Variants in DELE1 observed in about 807,000 individuals in gnomAD.
DELE1 encodes DAP3 binding cell death enhancer 1, also known as death ligand signal enhancer.
DELE1 carries 54 observed loss-of-function variants against 59.3 expected under a neutral mutation model. That is an observed-to-expected ratio of 0.91 (90% CI 0.73 to 1.14). The LOEUF (loss-of-function observed/expected upper bound fraction) is 1.14, where lower values mean the gene tolerates loss of function less well. Ranked by LOEUF, DELE1 falls within the 50% of genes most tolerant of loss-of-function variation. DELE1 has a pLI of 0.00. For missense variants in DELE1, 636 were observed against 643.9 expected, an observed-to-expected ratio of 0.99 and a Z score of 0.13; for synonymous variants, 264 against 259.1, an observed-to-expected ratio of 1.02 and a Z score of -0.18.
rs369514874 is a variant in DELE1, at chr5:141,924,755, T to TG, written c.146+60_146+61insG. On this transcript the variant is annotated intron_variant, in intron 2 of 11. Transcript: ENST00000432126. The stretch of plus-strand genomic sequence containing the variant: ...CCTAGTCACCCTTTTTTTTTATTTT[T>TG]TTTTTTTTGTTGTTTTTTGAGATGG... 9.7e-6 allele frequency: 11 copies of TG among 1,139,840 alleles called. No individual in the cohort carries two copies. In the African/African-American group the frequency reaches 1.5e-4, roughly 16 times the overall value. The allele number at this position is 1,139,840 out of a possible 1,614,324, so 70.6% of individuals were successfully genotyped here. A position where few individuals can be genotyped will look rare whatever the true frequency, so the allele number is the denominator to read the frequency against.
At chr5:141,924,774 G>A (rs1229841669) in intron 2 of DELE1, 79 bp downstream of exon 2, 1 of 896,982 alleles carries the variant, frequency 1.1e-6, no homozygotes, top group East Asian at 2.6e-5. Flanking sequence ...GTTGTTTTTT[G>A]AGATGGAGTC....
In DELE1 at chr5:141,941,509, T is replaced by C. The variant is rs562928047; in HGVS notation, c.*2750T>C. ...GGCAGAGCTGGGTACTGCTGTGCTTTTGCCATTAAAATTCTGTTATTAATG... is the reference window on the plus strand; with the variant it reads ...GGCAGAGCTGGGTACTGCTGTGCTTCTGCCATTAAAATTCTGTTATTAATG... On this transcript the variant is annotated 3_prime_UTR_variant, in exon 12 of 12. Transcript: ENST00000432126. 150 of 985,436 alleles carry C rather than the reference T, an allele frequency of 1.5e-4. No individual in the cohort carries two copies. The African/African-American group carries it at 2.4e-3, about 16-fold the overall frequency. 61.0% of individuals were successfully genotyped at this position (985,436 alleles called of 1,614,324 possible).
intron 1 of DELE1, among the ~76,000 whole-genome samples, chr5:141,924,272 A>G (rs556076912): frequency 6.6e-6 from 1 of 152,294 alleles, no homozygotes; most frequent in African/African-American, 2.4e-5. Context: ...AGGCATAGCC[A>G]GTGAAGAGAG....
In DELE1 at chr5:141,941,065, C is replaced by T; in HGVS notation, c.*2306C>T. ...TCCCTACAGATTGCTTTTGAGCCTT[C>T]CTGGGGCACCCTCTGCGTGAAATGT... On this transcript the variant is annotated 3_prime_UTR_variant, in exon 12 of 12. Coordinates refer to ENST00000432126, the MANE Select transcript of DELE1 (RefSeq NM_014773.5). The T allele has an allele frequency of 1.0e-6, 1 of 985,448 alleles. No homozygotes were observed. Among genetic ancestry groups the T allele is most frequent in the Non-Finnish European group, 1.2e-6 (1 of 829,940 alleles). The allele number at this position is 985,448 out of a possible 1,614,324, so 61.0% of individuals were successfully genotyped here. A position where few individuals can be genotyped will look rare whatever the true frequency, so the allele number is the denominator to read the frequency against.
rs1214482535 is a variant in DELE1, at chr5:141,937,323, G to C, written c.1275G>C (p.Glu425Asp). 6.2e-7 allele frequency: 1 copy of C among 1,614,068 alleles called. No individual in the cohort carries two copies. Among genetic ancestry groups the C allele is most frequent in the Non-Finnish European group, 8.5e-7 (1 of 1,180,046 alleles). Residue 425 changes from glutamate to aspartate, a missense_variant, in exon 11 of 12, where the codon GAG becomes GAC. Transcript: ENST00000432126. ...CTCTGGGAAATGAGGCCGCCCAGGA[G>C]AGGCTGCGAGCCCTCTTTTCCATGG... is the stretch of plus-strand genomic sequence containing the variant. Reference protein sequence around the residue: ...SAALGNEAAQERLRALFSMGA... With the variant: ...SAALGNEAAQDRLRALFSMGA...
chr5:141,932,022 A>T (rs1692352612), intron 7 of DELE1, among the ~76,000 whole-genome samples: 1 of 152,144 alleles, frequency 6.6e-6, no homozygotes, highest in Admixed American at 6.5e-5. Flanking sequence ...TGCCTCCAGG[A>T]TTTTACAGTC....
chr5:141,940,107 C>A lies in DELE1; in HGVS notation c.*1348C>A. On this transcript the variant is annotated 3_prime_UTR_variant, in exon 12 of 12. Transcript: ENST00000432126. ...GAGGTCCCCATTTGGGAAACATGTG[C>A]CAGAAATGTCTAGGTGTTTAATAAA... is the stretch of plus-strand genomic sequence containing the variant. 8 of 985,358 alleles carry A rather than the reference C, an allele frequency of 8.1e-6. No homozygotes were observed. The highest frequency in any genetic ancestry group is 9.6e-6 in the Non-Finnish European group (8 of 829,894). The allele number at this position is 985,358 out of a possible 1,614,324, so 61.0% of individuals were successfully genotyped here. A position where few individuals can be genotyped will look rare whatever the true frequency, so the allele number is the denominator to read the frequency against.
intron 3 of DELE1, among the ~76,000 whole-genome samples, chr5:141,927,320 C>T (rs1751502356): frequency 1.3e-5 from 2 of 152,146 alleles, no homozygotes; most frequent in Non-Finnish European, 2.9e-5. Context: ...CATGCCTCAA[C>T]CTCCGAGTAG....
chr5:141,938,565 T>C lies in DELE1; in HGVS notation c.1354T>C (p.Ser452Pro), dbSNP rs1166388306. ...GACAGTTACAGGACTGAAGTCTTTC[T>C]CCAGCCCCTCCCTCTGCAGCTTGAA... ...DLTVTGLKSF[S>P]SPSLCSLNTL... The change falls in exon 12 of 12, where the codon TCC becomes CCC. Residue 452 changes from serine (S) to proline (P), a missense_variant. Ser to Pro is a moderately conservative substitution (Grantham distance 74). Transcript: ENST00000432126. 2 of 1,614,150 alleles carry C rather than the reference T, an allele frequency of 1.2e-6. No individual in the cohort carries two copies.
In DELE1 at chr5:141,934,354, G is replaced by T. The variant is rs753502995; in HGVS notation, c.1012G>T (p.Ala338Ser). ...ASSWNPERQR[A>S]VSLLKQAADS... ...TTCGTGGAACCCTGAGCGGCAGAGG[G>T]CAGTGTCCTTGCTGAAGCAGGCTGC... Residue 338 changes from alanine to serine, a missense_variant, in exon 9 of 12, where the codon GCA becomes TCA. Coordinates refer to ENST00000432126, the MANE Select transcript of DELE1 (RefSeq NM_014773.5). 43 of 1,614,104 alleles carry T rather than the reference G, an allele frequency of 2.7e-5. No homozygotes were observed. Among genetic ancestry groups the T allele is most frequent in the Admixed American group, 8.3e-5 (5 of 60,014 alleles).
In DELE1 at chr5:141,937,365, C is replaced by T. The variant is rs1752446092; in HGVS notation, c.1309+8C>T. On this transcript the variant is annotated splice_region_variant and intron_variant, in intron 11 of 11. Transcript: ENST00000432126. ...TTTCCATGGGGGCTGCAGGTACAGA[C>T]CCAAGTCCAAGCCAACAGGTTCATT... The T allele has an allele frequency of 6.2e-7, 1 of 1,613,564 alleles. No homozygotes were observed. The highest frequency in any genetic ancestry group is 8.5e-7 in the Non-Finnish European group (1 of 1,179,902).
intron 8 of DELE1, 34 bp downstream of exon 8, chr5:141,933,435 T>A: frequency 7.2e-7 from 1 of 1,393,610 alleles, no homozygotes; most frequent in Middle Eastern, 2.7e-4. Context: ...CCTTCTGTGC[T>A]GGGCTGCTGA....
chr5:141,933,191 G>C, intron 7 of DELE1, 68 bp from the exon 8 acceptor site: 1 of 1,332,572 alleles, frequency 7.5e-7, no homozygotes, highest in Non-Finnish European at 1.0e-6. Flanking sequence ...GGAGTCTGTA[G>C]GTACCTGGCT....
Position 141,924,632 on chromosome 5 carries a change from C to T in DELE1, c.83C>T (p.Thr28Ile). 1.2e-6 allele frequency: 2 copies of T among 1,614,164 alleles called. No homozygotes were observed. Among genetic ancestry groups the T allele is most frequent in the Admixed American group, 1.7e-5 (1 of 60,022 alleles). The stretch of plus-strand genomic sequence containing the variant: ...CTCTGGAGGGTGACTCCTAAGTCCA[C>T]CAGCCCAGATGGGCCTCAGACTACC... ...PSLWRVTPKS[T>I]SPDGPQTTSS... Residue 28 changes from threonine (T) to isoleucine (I), a missense_variant, in exon 2 of 12, where the codon ACC becomes ATC. Coordinates refer to ENST00000432126, the MANE Select transcript of DELE1 (RefSeq NM_014773.5).
At chr5:141,924,118 G>T (rs1199238482) in intron 1 of DELE1, 146 bp downstream of exon 1, 24 of 1,087,224 alleles carry the variant, frequency 2.2e-5, no homozygotes. Flanking sequence ...GGAAGTCAGG[G>T]GCTGCTGGAA....
intron 10 of DELE1, among the ~76,000 whole-genome samples, chr5:141,935,493 A>G (rs1399758410): frequency 6.6e-6 from 1 of 152,206 alleles, no homozygotes; most frequent in African/African-American, 2.4e-5. Context: ...ATCTCCCTAC[A>G]TAGGGGACTG....
At chr5:141,927,475 G>A (rs546733326) in intron 3 of DELE1, among the ~76,000 whole-genome samples, 2 of 152,350 alleles carry the variant, frequency 1.3e-5, no homozygotes, top group East Asian at 1.9e-4. Flanking sequence ...TTACAGGCAT[G>A]AGCCACTGCA....
In DELE1 at chr5:141,939,100, T is replaced by C. The variant is rs977446037; in HGVS notation, c.*341T>C. The C allele has an allele frequency of 1.9e-6, 2 of 1,050,844 alleles. No individual in the cohort carries two copies. The highest frequency in any genetic ancestry group is 2.3e-6 in the Non-Finnish European group (2 of 870,618). The allele number at this position is 1,050,844 out of a possible 1,614,324, so 65.1% of individuals were successfully genotyped here. A position where few individuals can be genotyped will look rare whatever the true frequency, so the allele number is the denominator to read the frequency against. ...AACTTACCTTCTTCCTTCTTATGCC[T>C]GGGTTTTCTCACACTTAAATCTGTA... On this transcript the variant is annotated 3_prime_UTR_variant, in exon 12 of 12. Transcript: ENST00000432126.
rs556989545 is a variant in DELE1 at position 141,938,873 on chromosome 5, C to G, written c.*114C>G. 78 of 1,490,782 alleles carry G rather than the reference C, an allele frequency of 5.2e-5. No individual in the cohort carries two copies. The African/African-American group carries it at 1.1e-3, about 21-fold the overall frequency. 92.3% of individuals were successfully genotyped at this position (1,490,782 alleles called of 1,614,324 possible). On this transcript the variant is annotated 3_prime_UTR_variant, in exon 12 of 12. Coordinates refer to ENST00000432126, the MANE Select transcript of DELE1 (RefSeq NM_014773.5). ...CCAGGTAGAAATTCCAGCGGGAGTT[C>G]AGGTTCCCAAGCAATTTCACGTACA...
Sources: allele counts gnomAD v4.1 joint callset (sites outside exome capture counted in the v4.1 genomes callset), GRCh38; gene constraint gnomAD v4.1.1; transcripts MANE v1.5; gene names NCBI Gene and HGNC (gene_info 2026-07-23, HGNC 2026-07-21).